Variants in UST observed in about 807,000 individuals in gnomAD.
UST encodes the protein uronyl 2-sulfotransferase.
UST carries 21 observed loss-of-function variants against 45.6 expected under a neutral mutation model. That is an observed-to-expected ratio of 0.46 (90% CI 0.33 to 0.66). The LOEUF (loss-of-function observed/expected upper bound fraction) is 0.66, where lower values mean the gene tolerates loss of function less well. Ranked by LOEUF, UST falls within the 30% of genes least tolerant of loss-of-function variation. The pLI, the probability that UST is intolerant of heterozygous loss-of-function variation, is 0.02. For missense variants in UST, 463 were observed against 512.4 expected (o/e 0.90, Z 0.93); for synonymous variants, 215 against 200.6 (o/e 1.07, Z -0.61).
At chr6:148,871,117 C>CTCTCTCTCTCTCTCT (rs1778543531) in intron 1 of UST, among the ~76,000 whole-genome samples, 5 of 97,598 alleles carry the variant, frequency 5.1e-5, no homozygotes, top group South Asian at 3.7e-4. Flanking sequence ...GCATTCTCTC[C>CTCTCTCTCTCTCTCT]CTCTCTCTCT....
intron 1 of UST, among the ~76,000 whole-genome samples, chr6:148,867,276 A>C (rs1040955688): frequency 1.9e-4 from 26 of 138,582 alleles, no homozygotes; most frequent in African/African-American, 6.6e-4. Flanking sequence ...TCTTTGAGGC[A>C]TTGTTGAATA....
At chr6:148,883,869 C>T (rs1440680819) in intron 1 of UST, among the ~76,000 whole-genome samples, 10 of 152,166 alleles carry the variant, frequency 6.6e-5, no homozygotes, top group African/African-American at 2.2e-4. Flanking sequence ...CAGTGGCTCA[C>T]GCCTGTAATC....
intron 2 of UST, among the ~76,000 whole-genome samples, chr6:148,922,709 G>A (rs1283465486): frequency 4.0e-5 from 6 of 151,360 alleles, no homozygotes; most frequent in Admixed American, 1.3e-4. Flanking sequence ...TCCTGACCTC[G>A]TGATCCGCCC....
intron 7 of UST, among the ~76,000 whole-genome samples, chr6:149,069,074 C>A (rs1000405781): frequency 1.3e-5 from 2 of 152,220 alleles, no homozygotes; most frequent in Non-Finnish European, 2.9e-5. Flanking sequence ...GACATGATTT[C>A]TTTCTTTTTT....
At chr6:148,807,420 C>T (rs964030069) in intron 1 of UST, among the ~76,000 whole-genome samples, 1 of 152,192 alleles carries the variant, frequency 6.6e-6, no homozygotes, top group Admixed American at 6.5e-5. Context: ...CATTTACCAA[C>T]CATGTGGTCA....
At chr6:148,949,442 A>T (rs1780320900) in intron 3 of UST, among the ~76,000 whole-genome samples, 1 of 148,490 alleles carries the variant, frequency 6.7e-6, no homozygotes, top group Admixed American at 6.7e-5. Flanking sequence ...AATATTACTT[A>T]TTCATGGGGT....
At chr6:149,013,031 A>T (rs1775838797) in intron 5 of UST, among the ~76,000 whole-genome samples, 1 of 152,196 alleles carries the variant, frequency 6.6e-6, no homozygotes, top group South Asian at 2.1e-4. Flanking sequence ...AGCTTTTGAG[A>T]AGTGAACATT....
At chr6:148,992,925 A>G (rs1441572345) in intron 5 of UST, 2 of 916,706 alleles carry the variant, frequency 2.2e-6, no homozygotes, top group Non-Finnish European at 2.6e-6. Context: ...AATGCATATC[A>G]TAAAATACTT....
At chr6:148,756,038 G>T (rs1776091218) in intron 1 of UST, among the ~76,000 whole-genome samples, 1 of 133,864 alleles carries the variant, frequency 7.5e-6, no homozygotes, top group African/African-American at 2.9e-5. Context: ...CCCGGTGTGT[G>T]ATGTTCCCCT....
intron 1 of UST, among the ~76,000 whole-genome samples, chr6:148,880,239 G>T (rs938544121): frequency 6.6e-6 from 1 of 152,172 alleles, no homozygotes; most frequent in Non-Finnish European, 1.5e-5. Flanking sequence ...ATAGGCATGA[G>T]CCACAGCACC....
Position 149,076,965 on chromosome 6 carries a change from C to A in UST, c.*2849C>A. ...ATATGGAACTGAAACATTAACTTAG[C>A]TAAAATAAAAGCAATCTGTGTTTGA... On this transcript the variant is annotated 3_prime_UTR_variant, in exon 8 of 8. Coordinates refer to ENST00000367463, the MANE Select transcript of UST (RefSeq NM_005715.3). The A allele has an allele frequency of 6.6e-6, 1 of 151,392 alleles. No individual in the cohort carries two copies. 9.4% of individuals were successfully genotyped at this position (151,392 alleles called of 1,614,324 possible). A position where few individuals can be genotyped will look rare whatever the true frequency, so the allele number is the denominator to read the frequency against.
At chr6:148,908,306 TA>T (rs1199022818) in intron 2 of UST, among the ~76,000 whole-genome samples, 21 of 152,236 alleles carry the variant, frequency 1.4e-4, no homozygotes, top group Admixed American at 1.4e-3. Context: ...AGTATATTTT[TA>T]ATTGGTGATA....
At chr6:149,033,319 G>A (rs540390601) in intron 7 of UST, among the ~76,000 whole-genome samples, 6 of 152,276 alleles carry the variant, frequency 3.9e-5, no homozygotes, top group African/African-American at 9.6e-5. Flanking sequence ...TACCCATTTT[G>A]CATGACTCAA....
At chr6:148,879,663 A>ACTGCTT (rs1388279789) in intron 1 of UST, among the ~76,000 whole-genome samples, 2 of 152,234 alleles carry the variant, frequency 1.3e-5, no homozygotes, top group Non-Finnish European at 2.9e-5. Flanking sequence ...TGCTACTGCT[A>ACTGCTT]CTTGTAGTAG....
chr6:148,902,963 A>G (rs915953737), intron 2 of UST, among the ~76,000 whole-genome samples: 1 of 151,990 alleles, frequency 6.6e-6, no homozygotes, highest in Non-Finnish European at 1.5e-5. Context: ...GGGTCTTTAC[A>G]TTTCACACTA....
intron 1 of UST, among the ~76,000 whole-genome samples, chr6:148,834,361 T>C (rs1777746975): frequency 1.3e-5 from 2 of 152,218 alleles, no homozygotes; most frequent in Admixed American, 1.3e-4. Context: ...GTAAATCATT[T>C]CTGAGGAAGC....
rs528893479 is a variant in UST, at chr6:148,837,055, T to C, written c.248-49931T>C. On this transcript the variant is annotated intron_variant, in intron 1 of 7. Transcript: ENST00000367463. ...TCCGTGGATATTTGAGGAAGACTTA[T>C]AGTTCTCAAATGATCCCATGTATAC... 5.3e-5 allele frequency among the ~76,000 whole-genome samples: 8 copies of C among 152,330 alleles called. No individual in the cohort carries two copies. In the South Asian group the frequency reaches 1.0e-3, roughly 20 times the overall value.
intron 7 of UST, among the ~76,000 whole-genome samples, chr6:149,058,390 T>C (rs1399630884): frequency 7.3e-6 from 1 of 137,734 alleles, no homozygotes; most frequent in African/African-American, 2.9e-5. Context: ...TGTGTGTGTA[T>C]GTGCGCGCGC....
At chr6:148,959,068 A>G (rs1415776617) in intron 4 of UST, 1 of 152,194 alleles carries the variant, frequency 6.6e-6, no homozygotes, top group East Asian at 1.9e-4. Flanking sequence ...AACAGTGTGA[A>G]AATTAGTCAA....
Sources: allele counts gnomAD v4.1 joint callset (sites outside exome capture counted in the v4.1 genomes callset), GRCh38; gene constraint gnomAD v4.1.1; transcripts MANE v1.5; gene names NCBI Gene and HGNC (gene_info 2026-07-23, HGNC 2026-07-21).